The following CALHM4 variants were observed in gnomAD, a reference collection of about 807,000 sequenced individuals.
The protein encoded by CALHM4 is calcium homeostasis modulator family member 4.
Under a neutral mutation model 13.3 loss-of-function variants are expected in CALHM4, and 16 were observed. The ratio of observed to expected loss-of-function variants is 1.20; its 90% confidence interval spans 0.81 to 1.82. The LOEUF (loss-of-function observed/expected upper bound fraction) is 1.82. CALHM4 is among the 40% of genes most tolerant of loss of function. The probability of loss-of-function intolerance (pLI) is 0.00; values close to 1 mark genes in which losing one functional copy is unlikely to be tolerated. For missense variants in CALHM4, 344 were observed against 374.9 expected, an observed-to-expected ratio of 0.92 and a Z score of 0.68; for synonymous variants, 127 against 137.1, an observed-to-expected ratio of 0.93 and a Z score of 0.52.
intron 1 of CALHM4, among the ~76,000 whole-genome samples, chr6:116,557,015 G>A (rs1030218854): frequency 8.2e-5 from 12 of 145,688 alleles, no homozygotes; most frequent in African/African-American, 2.5e-4. Context: ...TGGGTTCAGC[G>A]CAACTTCTGC....
At chr6:116,537,930 T>G (rs1773197689) in intron 1 of CALHM4, among the ~76,000 whole-genome samples, 1 of 152,214 alleles carries the variant, frequency 6.6e-6, no homozygotes, top group South Asian at 2.1e-4. Flanking sequence ...AGCTCTGTAA[T>G]TTTCCTGTGG....
At chr6:116,537,073 G>A (rs1255962243) in intron 1 of CALHM4, among the ~76,000 whole-genome samples, 3 of 152,308 alleles carry the variant, frequency 2.0e-5, no homozygotes, top group East Asian at 1.9e-4. Flanking sequence ...TGTTGGAGAA[G>A]TAAAAATGAT....
chr6:116,550,992 C>G (rs73769129), upstream of CALHM4, among the ~76,000 whole-genome samples: 4,792 of 152,194 alleles, frequency 0.031, 254 homozygotes, highest in African/African-American at 0.11. Context: ...GGCCAGGTCG[C>G]GGGCACGTAG....
chr6:116,545,202 A>G (rs1244229989), intron 2 of CALHM4, among the ~76,000 whole-genome samples: 2 of 151,894 alleles, frequency 1.3e-5, no homozygotes, highest in African/African-American at 4.8e-5. Context: ...TAATATTTTC[A>G]TATTTTCTGT....
chr6:116,530,840 A>G (rs1047887986), intron 1 of CALHM4, among the ~76,000 whole-genome samples: 1 of 149,860 alleles, frequency 6.7e-6, no homozygotes, highest in Non-Finnish European at 1.5e-5. Flanking sequence ...ACAAAGAAAA[A>G]CAAACACCAG....
intron 2 of CALHM4, among the ~76,000 whole-genome samples, chr6:116,544,302 C>CA (rs1205702090): frequency 1.3e-5 from 2 of 152,024 alleles, no homozygotes; most frequent in African/African-American, 4.8e-5. Context: ...TAATTAAGGC[C>CA]AAACTGAAAT....
chr6:116,551,917 GACATCTTATTATAATA>G (rs1483736557), upstream of CALHM4, among the ~76,000 whole-genome samples: 20 of 152,230 alleles, frequency 1.3e-4, no homozygotes, highest in Middle Eastern at 6.8e-3. Context: ...GATATGTAGT[GACATCTTATTATAATA>G]ATATATAGCT....
intron 1 of CALHM4, chr6:116,543,640 A>G (rs1458771719): frequency 3.0e-6 from 2 of 671,482 alleles, no homozygotes; most frequent in East Asian, 5.5e-5. Flanking sequence ...ACATGATAAC[A>G]TCTTTCTATG....
Position 116,559,556 on chromosome 6 carries a change from G to A in CALHM4, c.*1345G>A, listed in dbSNP as rs1399297720. Among the ~76,000 whole-genome samples, 2 of 152,256 alleles carry A rather than the reference G, an allele frequency of 1.3e-5. No individual in the cohort carries two copies. Among genetic ancestry groups the A allele is most frequent in the Middle Eastern group, 6.8e-3 (2 of 294 alleles). ...CAGGTTTTGTTTTGTCCTTCAATAA[G>A]AGACTGCATATTGTAGCTCTTTGCT... On this transcript the variant is annotated 3_prime_UTR_variant, in exon 2 of 2. Transcript: ENST00000368596.
rs1288392021 is a variant in CALHM4, at chr6:116,553,755, G to C, written c.-39G>C. On this transcript the variant is annotated 5_prime_UTR_variant, in exon 1 of 2. Coordinates refer to ENST00000368596, the MANE Select transcript of CALHM4 (RefSeq NM_001366078.2). ...TATAGCTGGTGGAGTCTAATGATCA[G>C]AAAGGGCCACAAGCTGATTTGTGTA... 3 of 1,523,346 alleles carry C rather than the reference G, an allele frequency of 2.0e-6. No individual in the cohort carries two copies. The highest frequency in any genetic ancestry group is 4.0e-5 in the Admixed American group (2 of 49,558). 94.4% of individuals were successfully genotyped at this position (1,523,346 alleles called of 1,614,324 possible).
intron 1 of CALHM4, among the ~76,000 whole-genome samples, chr6:116,538,872 C>T (rs935357258): frequency 6.6e-6 from 1 of 151,984 alleles, no homozygotes; most frequent in Admixed American, 6.6e-5. Flanking sequence ...GTTGGGACTA[C>T]AGCTGTGCCA....
At chr6:116,544,069 T>G (rs1243666364) in intron 2 of CALHM4, among the ~76,000 whole-genome samples, 1 of 151,320 alleles carries the variant, frequency 6.6e-6, no homozygotes, top group Non-Finnish European at 1.5e-5. Context: ...ATGAAAAGTC[T>G]GCTCAACATA....
At chr6:116,547,469 G>A (rs145178591) in intron 2 of CALHM4, among the ~76,000 whole-genome samples, 2 of 152,232 alleles carry the variant, frequency 1.3e-5, no homozygotes, top group Non-Finnish European at 2.9e-5. Flanking sequence ...GTCAAGACAC[G>A]AGCTTAAGGA....
intron 1 of CALHM4, among the ~76,000 whole-genome samples, chr6:116,529,878 G>A (rs1275232867): frequency 6.6e-6 from 1 of 152,168 alleles, no homozygotes; most frequent in East Asian, 1.9e-4. Flanking sequence ...AGTAAGTTGT[G>A]TGTAAGAGGA....
At chr6:116,529,794 TTGAA>T (rs1424383891) in intron 1 of CALHM4, among the ~76,000 whole-genome samples, 1 of 152,164 alleles carries the variant, frequency 6.6e-6, no homozygotes, top group Non-Finnish European at 1.5e-5. Flanking sequence ...AGGGCAGAGA[TTGAA>T]TGAAAATAAA....
chr6:116,532,187 G>A (rs969585715), intron 1 of CALHM4, among the ~76,000 whole-genome samples: 20 of 152,182 alleles, frequency 1.3e-4, no homozygotes, highest in Non-Finnish European at 1.2e-4. Context: ...GTGGAGCACT[G>A]CCCTCTTCTG....
intron 1 of CALHM4, chr6:116,540,276 C>A: frequency 3.2e-6 from 4 of 1,245,294 alleles, no homozygotes; most frequent in Non-Finnish European, 4.5e-6. Context: ...GCAGATGGAA[C>A]CTGTCCAATC....
In CALHM4 at chr6:116,560,650, TG is replaced by T. The variant is rs34461745; in HGVS notation, c.*2453del. On this transcript the variant is annotated 3_prime_UTR_variant, in exon 2 of 2. Coordinates refer to ENST00000368596, the MANE Select transcript of CALHM4 (RefSeq NM_001366078.2). ...CAAATAAATGGAATTTTTAGTATTTTGGGGGGGGGGGGGGCTATGGTCTATA... is the reference window on the plus strand; with the variant it reads ...CAAATAAATGGAATTTTTAGTATTTTGGGGGGGGGGGGGCTATGGTCTATA... 0.056 allele frequency among the ~76,000 whole-genome samples: 6,795 copies of T among 120,716 alleles called. 485 individuals carry two copies. Among genetic ancestry groups the T allele is most frequent in the African/African-American group, 0.16 (4,848 of 29,400 alleles). 79.2% of individuals were successfully genotyped at this position (120,716 alleles called of 152,430 possible).
intron 1 of CALHM4, among the ~76,000 whole-genome samples, chr6:116,529,394 AG>A (rs1772559885): frequency 6.6e-6 from 1 of 152,184 alleles, no homozygotes; most frequent in Non-Finnish European, 1.5e-5. Context: ...TAACTAACAG[AG>A]TCACAACTGT....
Sources: gnomAD v4.1 joint callset for allele counts (sites outside exome capture counted in the v4.1 genomes callset) on GRCh38, gnomAD v4.1.1 for gene constraint, MANE v1.5 for transcripts, NCBI Gene and HGNC (gene_info 2026-07-23, HGNC 2026-07-21) for gene names.